Variants in GRM5 observed in about 807,000 individuals in gnomAD.
GRM5 encodes glutamate metabotropic receptor 5, also known as metabotropic glutamate receptor 5.
A neutral mutation model predicts 83.1 loss-of-function variants in GRM5; 19 were observed. That is an observed-to-expected ratio of 0.23 (90% CI 0.16 to 0.34). The LOEUF is 0.34. GRM5 is among the 10% of genes least tolerant of loss of function. GRM5 has a pLI of 1.00. For missense variants in GRM5, 1,160 were observed against 1,588.3 expected (o/e 0.73, Z 4.58); for synonymous variants, 675 against 633.6 (o/e 1.07, Z -0.98).
At position 88,505,003 on chromosome 11, in the gene GRM5, A is replaced by C. The variant is rs1941145150; in HGVS notation, c.*3589T>G. On this transcript the variant is annotated 3_prime_UTR_variant, in exon 10 of 10. Coordinates refer to ENST00000305447, the MANE Select transcript of GRM5 (RefSeq NM_001143831.3). ...CCATCAGCAGCTGCCATTGATTTCT[A>C]GAAATACACACAATATACATAGTAT... 6.6e-6 allele frequency: 1 copy of C among 152,184 alleles called. No homozygotes were observed. Among genetic ancestry groups the C allele is most frequent in the Non-Finnish European group, 1.5e-5 (1 of 68,016 alleles). The allele number at this position is 152,184 out of a possible 1,614,324, so 9.4% of individuals were successfully genotyped here.
chr11:88,664,129 C>G (rs190729379), intron 3 of GRM5, among the ~76,000 whole-genome samples: 158 of 152,224 alleles, frequency 1.0e-3, no homozygotes, highest in African/African-American at 3.7e-3. Context: ...TTATCATTCC[C>G]TTCAACCTTA....
At chr11:88,631,467 A>G (rs914343876) in intron 4 of GRM5, among the ~76,000 whole-genome samples, 1 of 152,224 alleles carries the variant, frequency 6.6e-6, no homozygotes, top group Non-Finnish European at 1.5e-5. Flanking sequence ...TTGTAAGTGT[A>G]AAGTTTTAAT....
At chr11:88,647,790 C>A (rs1412679860) in intron 4 of GRM5, among the ~76,000 whole-genome samples, 4 of 152,096 alleles carry the variant, frequency 2.6e-5, no homozygotes, top group Non-Finnish European at 5.9e-5. Flanking sequence ...CTACAATGAA[C>A]TCAAACAAAT....
intron 2 of GRM5, among the ~76,000 whole-genome samples, chr11:88,909,348 G>C (rs1208033478): frequency 1.3e-5 from 2 of 151,922 alleles, no homozygotes; most frequent in East Asian, 3.9e-4. Flanking sequence ...AAAGTGGCTG[G>C]TGTCTAAGGT....
chr11:88,900,540 A>C (rs1945297280), intron 2 of GRM5, among the ~76,000 whole-genome samples: 2 of 152,168 alleles, frequency 1.3e-5, no homozygotes, highest in Non-Finnish European at 2.9e-5. Flanking sequence ...TAAAATGATC[A>C]TTTTGAATAT....
intron 2 of GRM5, among the ~76,000 whole-genome samples, chr11:88,978,473 T>TAAAA (rs1565317795): frequency 1.8e-5 from 1 of 56,840 alleles, no homozygotes; most frequent in African/African-American, 6.6e-5. Context: ...GCAGATGAGC[T>TAAAA]TAAAAAAAAA....
At chr11:88,668,410 A>G (rs1378324656) in intron 3 of GRM5, among the ~76,000 whole-genome samples, 2 of 144,232 alleles carry the variant, frequency 1.4e-5, no homozygotes, top group Non-Finnish European at 3.1e-5. Context: ...ACCAATACTC[A>G]ACAATTTTTT....
intron 3 of GRM5, among the ~76,000 whole-genome samples, chr11:88,769,792 A>T (rs532266909): frequency 1.3e-5 from 2 of 152,186 alleles, no homozygotes; most frequent in Middle Eastern, 3.4e-3. Context: ...GACAATAATC[A>T]ACGATGCAAA....
At chr11:88,929,485 C>T (rs1278407519) in intron 2 of GRM5, among the ~76,000 whole-genome samples, 1 of 152,022 alleles carries the variant, frequency 6.6e-6, no homozygotes, top group African/African-American at 2.4e-5. Flanking sequence ...GATAAAAACT[C>T]TAAGGCAATT....
intron 4 of GRM5, among the ~76,000 whole-genome samples, chr11:88,611,751 C>T (rs1291193654): frequency 6.6e-6 from 1 of 152,018 alleles, no homozygotes; most frequent in Non-Finnish European, 1.5e-5. Context: ...TTATCTTCTG[C>T]TAGCTTTGAT....
At chr11:88,521,028 A>G (rs1364551176) in intron 9 of GRM5, among the ~76,000 whole-genome samples, 5 of 152,186 alleles carry the variant, frequency 3.3e-5, no homozygotes, top group African/African-American at 1.2e-4. Context: ...AGAGCTGTCT[A>G]TTTCATTTGA....
At chr11:88,532,086 G>C (rs796641344) in intron 8 of GRM5, among the ~76,000 whole-genome samples, 3 of 152,234 alleles carry the variant, frequency 2.0e-5, no homozygotes, top group African/African-American at 7.2e-5. Context: ...GTCTGTGAAA[G>C]CGAGTTGGAA....
intron 3 of GRM5, among the ~76,000 whole-genome samples, chr11:88,688,650 G>T (rs1940706164): frequency 6.6e-6 from 1 of 152,184 alleles, no homozygotes; most frequent in African/African-American, 2.4e-5. Flanking sequence ...ATATAGACAA[G>T]TTCCAAAGGA....
intron 2 of GRM5, among the ~76,000 whole-genome samples, chr11:88,937,355 G>A (rs1937937051): frequency 6.6e-6 from 1 of 151,650 alleles, no homozygotes; most frequent in Non-Finnish European, 1.5e-5. Flanking sequence ...AAGTAATACA[G>A]TATTTATATT....
chr11:88,880,835 T>C (rs539789404), intron 2 of GRM5, among the ~76,000 whole-genome samples: 11 of 152,336 alleles, frequency 7.2e-5, no homozygotes, highest in African/African-American at 2.4e-4. Context: ...GGTTCAATTC[T>C]ATTTCTGCAC....
At chr11:88,913,718 A>C (rs1034152823) in intron 2 of GRM5, among the ~76,000 whole-genome samples, 1 of 150,744 alleles carries the variant, frequency 6.6e-6, no homozygotes, top group African/African-American at 2.4e-5. Context: ...TCCCAAATAC[A>C]TGAGATTACC....
At chr11:88,684,508 A>T (rs11606431) in intron 3 of GRM5, among the ~76,000 whole-genome samples, 84,738 of 152,070 alleles carry the variant, frequency 0.56, 26,506 homozygotes, top group South Asian at 0.8. Context: ...GTGCGGAGTT[A>T]TAAATAGAGA....
intron 9 of GRM5, chr11:88,522,995 C>CTG (rs1330368840): frequency 6.6e-6 from 1 of 152,098 alleles, no homozygotes; most frequent in Non-Finnish European, 1.5e-5. Context: ...CTCCTACTCT[C>CTG]TGTGTACTAC....
At chr11:88,848,669 TCATTCACA>T (rs1483152669) in intron 3 of GRM5, among the ~76,000 whole-genome samples, 2 of 152,190 alleles carry the variant, frequency 1.3e-5, no homozygotes, top group Non-Finnish European at 2.9e-5. Flanking sequence ...GAAGTGCACC[TCATTCACA>T]CATTCAAAAC....
Sources: allele counts gnomAD v4.1 joint callset (sites outside exome capture counted in the v4.1 genomes callset), GRCh38; gene constraint gnomAD v4.1.1; transcripts MANE v1.5; gene names NCBI Gene and HGNC (gene_info 2026-07-23, HGNC 2026-07-21).